Variants in WASF1 observed in about 807,000 individuals in gnomAD.
The protein encoded by WASF1 is actin-binding protein WASF1.
Under a neutral mutation model 50.5 loss-of-function variants are expected in WASF1, and 7 were observed. The ratio of observed to expected loss-of-function variants is 0.14; its 90% CI spans 0.08 to 0.26. WASF1 has a LOEUF of 0.26. Among genes scored for constraint, WASF1 ranks in the 10% least tolerant of loss-of-function variants. The pLI is 1.00. For missense variants in WASF1, 470 were observed against 694.7 expected (o/e 0.68, Z 3.64); for synonymous variants, 205 against 244.0 (o/e 0.84, Z 1.49).
At chr6:110,105,653 T>C in intron 7 of WASF1, 74 bp from the exon 8 acceptor site, 1 of 1,404,124 alleles carries the variant, frequency 7.1e-7, no homozygotes, top group Non-Finnish European at 9.8e-7. Context: ...AACAATCAAA[T>C]TAAACTCTAA....
At position 110,103,421 on chromosome 6, in the gene WASF1, T is replaced by C. The variant is rs145781868; in HGVS notation, c.850A>G (p.Met284Val). The change falls in exon 9 of 11, where the codon ATG becomes GTG. Residue 284 changes from methionine to valine, a missense_variant. By Grantham distance (21) the Met-to-Val change is conservative. Around this residue, in one of 3 missense-constraint regions of WASF1, gnomAD observed 294 missense variants for 343.5 expected, o/e 0.86. Transcript: ENST00000392589. Reference protein sequence around the residue: ...RPHEPPPPPPMHGAGDAKPIP... With the variant: ...RPHEPPPPPPVHGAGDAKPIP... ...GGTTTTGCATCTCCTGCTCCATGCA[T>C]TGGTGGAGGTGGAGGTGGTTCATGT... 2.0e-5 allele frequency: 32 copies of C among 1,613,806 alleles called. No homozygotes were observed. The highest frequency in any genetic ancestry group is 2.5e-5 in the Non-Finnish European group (29 of 1,179,892).
intron 3 of WASF1, among the ~76,000 whole-genome samples, chr6:110,158,727 A>T (rs1776131280): frequency 6.6e-6 from 1 of 151,870 alleles, no homozygotes. Context: ...ATTTTTTTTA[A>T]AAAAAGATAT....
chr6:110,171,349 CAA>C (rs1012063201), intron 2 of WASF1, among the ~76,000 whole-genome samples: 4 of 152,028 alleles, frequency 2.6e-5, no homozygotes, highest in African/African-American at 9.7e-5. Context: ...TTCAAAGTCT[CAA>C]GAGAAATTTT....
chr6:110,135,746 T>A (rs980259403), intron 3 of WASF1, among the ~76,000 whole-genome samples: 57 of 145,004 alleles, frequency 3.9e-4, no homozygotes, highest in African/African-American at 1.1e-4. Flanking sequence ...TTTTTTTTTT[T>A]ACCAATTACT....
chr6:110,114,076 C>T (rs542671285), intron 4 of WASF1, among the ~76,000 whole-genome samples: 4 of 152,168 alleles, frequency 2.6e-5, no homozygotes, highest in African/African-American at 9.6e-5. Context: ...ATTTTATAGC[C>T]ACCCTCTGTT....
intron 3 of WASF1, among the ~76,000 whole-genome samples, chr6:110,147,730 C>T (rs189937124): frequency 1.3e-5 from 2 of 152,150 alleles, no homozygotes; most frequent in South Asian, 4.2e-4. Context: ...AAGCATAATA[C>T]TGCACCAAGG....
At chr6:110,168,821 C>T (rs1452091919) in intron 2 of WASF1, among the ~76,000 whole-genome samples, 4 of 152,010 alleles carry the variant, frequency 2.6e-5, no homozygotes, top group African/African-American at 7.2e-5. Flanking sequence ...GAATATTCTA[C>T]CCTATCCATT....
intron 3 of WASF1, among the ~76,000 whole-genome samples, chr6:110,140,693 T>A (rs541540644): frequency 7.7e-4 from 118 of 152,302 alleles, no homozygotes; most frequent in African/African-American, 2.3e-3. Context: ...GTGTTGATTG[T>A]TGCTGTGGTG....
intron 3 of WASF1, among the ~76,000 whole-genome samples, chr6:110,159,310 CA>C (rs1776164640): frequency 6.6e-6 from 1 of 151,718 alleles, no homozygotes. Context: ...AAAACGAAAA[CA>C]AAAAACAGTC....
chr6:110,109,552 C>CTT (rs374420298), intron 5 of WASF1, among the ~76,000 whole-genome samples: 7 of 135,524 alleles, frequency 5.2e-5, no homozygotes, highest in East Asian at 2.1e-4. Context: ...CCTAACAATT[C>CTT]TTTTTTTTTT....
At chr6:110,139,286 C>G (rs1486142726) in intron 3 of WASF1, among the ~76,000 whole-genome samples, 1 of 152,238 alleles carries the variant, frequency 6.6e-6, no homozygotes, top group South Asian at 2.1e-4. Flanking sequence ...CGGGGATGGC[C>G]AGGACCACAG....
In WASF1 at chr6:110,126,814, G is replaced by GC. The variant is rs540166478; in HGVS notation, c.133+654dup. Among the ~76,000 whole-genome samples, 89 of 152,226 alleles carry GC rather than the reference G, an allele frequency of 5.8e-4. 1 individual carries two copies. The East Asian group carries it at 0.014, about 24-fold the overall frequency. ...CCAAGTTGCTCTATTCTGTAAATCT[G>GC]CAATGAGAACATATTGCCTGTCTCC... On this transcript the variant is annotated intron_variant, in intron 4 of 10. Coordinates refer to ENST00000392589, the MANE Select transcript of WASF1 (RefSeq NM_003931.3).
intron 4 of WASF1, among the ~76,000 whole-genome samples, chr6:110,114,954 C>T (rs756451875): frequency 5.3e-5 from 8 of 151,562 alleles, no homozygotes; most frequent in Admixed American, 1.3e-4. Flanking sequence ...TAGCTGGGCA[C>T]GATGGTATGT....
At chr6:110,142,073 T>C (rs1228411628) in intron 3 of WASF1, among the ~76,000 whole-genome samples, 1 of 152,238 alleles carries the variant, frequency 6.6e-6, no homozygotes, top group Non-Finnish European at 1.5e-5. Flanking sequence ...GCTGCTTTTT[T>C]GTATGTGCAT....
chr6:110,112,074 T>C (rs780442496), intron 5 of WASF1, among the ~76,000 whole-genome samples: 2 of 151,304 alleles, frequency 1.3e-5, no homozygotes, highest in African/African-American at 2.4e-5. Context: ...ATTTACACAT[T>C]GGATTATTTC....
At chr6:110,169,091 C>A (rs1776588645) in intron 2 of WASF1, among the ~76,000 whole-genome samples, 1 of 152,076 alleles carries the variant, frequency 6.6e-6, no homozygotes, top group Non-Finnish European at 1.5e-5. Context: ...CTTTTTCTTT[C>A]CACTAAATGT....
At chr6:110,136,585 T>A (rs898802131) in intron 3 of WASF1, among the ~76,000 whole-genome samples, 2 of 152,206 alleles carry the variant, frequency 1.3e-5, no homozygotes, top group African/African-American at 2.4e-5. Flanking sequence ...ATTATTAAGT[T>A]TCCTCTATCT....
Position 110,102,118 on chromosome 6 carries a change from AGAGGTGGTGGAG to A in WASF1, c.980_991del (p.Pro327_Pro330del). 3 of 1,492,298 alleles carry A rather than the reference AGAGGTGGTGGAG, an allele frequency of 2.0e-6. No individual in the cohort carries two copies. The highest frequency in any genetic ancestry group is 2.7e-6 in the Non-Finnish European group (3 of 1,121,478). 92.4% of individuals were successfully genotyped at this position (1,492,298 alleles called of 1,614,324 possible). On this transcript the variant is annotated inframe_deletion, in exon 10 of 11. Transcript: ENST00000392589. ...TGAGGAAGTTGACAAGGCAGATGGA[AGAGGTGGTGGAG>A]GAGGTGGGGGAGTGGGGCTCACAAA...
At chr6:110,144,333 G>A (rs560123544) in intron 3 of WASF1, among the ~76,000 whole-genome samples, 2 of 151,928 alleles carry the variant, frequency 1.3e-5, no homozygotes, top group Admixed American at 6.6e-5. Context: ...TTGTAAATTT[G>A]TTGGAGTTCA....
Sources: allele counts gnomAD v4.1 joint callset (sites outside exome capture counted in the v4.1 genomes callset), GRCh38; gene constraint gnomAD v4.1.1; regional missense constraint gnomAD v4.1.1; transcripts MANE v1.5; gene names NCBI Gene and HGNC (gene_info 2026-07-23, HGNC 2026-07-21).